Variants in NUMA1 observed in about 807,000 individuals in gnomAD.
The protein encoded by NUMA1 is SP-H antigen.
A neutral mutation model predicts 237.1 loss-of-function variants in NUMA1; 62 were observed. The observed-to-expected ratio is 0.26, with a 90% CI of 0.21 to 0.32. The LOEUF is 0.32. NUMA1 is among the 10% of genes least tolerant of loss of function. The probability of loss-of-function intolerance (pLI) is 1.00; values close to 1 mark genes in which losing one functional copy is unlikely to be tolerated. For missense variants in NUMA1, 2,533 were observed against 2,666.5 expected (o/e 0.95, Z 1.10); for synonymous variants, 1,028 against 1,066.1 (o/e 0.96, Z 0.70).
chr11:72,049,615 TGCC>T (rs1942226935), intron 2 of NUMA1: 1 of 113,980 alleles, frequency 8.8e-6, no homozygotes, highest in Non-Finnish European at 1.9e-5. Context: ...TATATATATT[TGCC>T]TATTCATCTA....
chr11:72,012,023 G>A (rs190168218), intron 16 of NUMA1, among the ~76,000 whole-genome samples: 95 of 152,302 alleles, frequency 6.2e-4, no homozygotes, highest in African/African-American at 2.2e-3. Flanking sequence ...AGGCCGACAC[G>A]GTAATTCTGC....
At chr11:72,007,136 C>T (rs1426029909) in intron 21 of NUMA1, 53 bp downstream of exon 21, 2 of 1,593,102 alleles carry the variant, frequency 1.3e-6, no homozygotes, top group Non-Finnish European at 8.5e-7. Context: ...CAAAGATGCC[C>T]TTGAGAGGAA....
rs1956428584 is a variant in NUMA1, at chr11:72,015,040, C to T, written c.2463G>A (p.Gln821=). The T allele has an allele frequency of 6.2e-7, 1 of 1,614,140 alleles. No individual in the cohort carries two copies. The highest frequency in any genetic ancestry group is 1.3e-5 in the African/African-American group (1 of 75,064). ...TGGCGCCATACTGTGCCTCCTCTTGCTGGCTATCCTCATACCGCTCACGCC... is the reference window on the plus strand; with the variant it reads ...TGGCGCCATACTGTGCCTCCTCTTGTTGGCTATCCTCATACCGCTCACGCC... The part of the protein sequence containing the change: ...AAWRERYEDS[Q]QEEAQYGAMF... The change falls in exon 15 of 27, where the codon CAG becomes CAA. Residue 821 remains glutamine (Q), a synonymous_variant. Transcript: ENST00000393695. This position sits in a 1 kb window ranked among gnomAD's most constrained non-coding sequence, Gnocchi z 4.0.
intron 2 of NUMA1, chr11:72,040,677 C>T (rs1340117234): frequency 2.0e-5 from 3 of 152,224 alleles, no homozygotes; most frequent in Non-Finnish European, 4.4e-5. Context: ...GGCAAACACG[C>T]TTTCCTTCTC....
In NUMA1 at chr11:72,019,511, G is replaced by A. The variant is rs1265223560; in HGVS notation, c.567C>T (p.Ser189=). The A allele has an allele frequency of 6.2e-6, 10 of 1,613,490 alleles. No homozygotes were observed. The highest frequency in any genetic ancestry group is 8.5e-6 in the Non-Finnish European group (10 of 1,179,672). The change falls in exon 9 of 27, where the codon TCC becomes TCT. Residue 189 remains serine (S), a synonymous_variant. Transcript: ENST00000393695. ...IRFLELQKVA[S]SSSGNNFLSG... ...GAACATACTTGTTCCCACTGGAAGA[G>A]GAGGCAACCTTCTGTAGCTCTAGGA...
At chr11:72,076,926 GAC>G (rs1724483017) in intron 1 of NUMA1, among the ~76,000 whole-genome samples, 1 of 151,910 alleles carries the variant, frequency 6.6e-6, no homozygotes, top group African/African-American at 2.4e-5. Context: ...GAAAACATGA[GAC>G]AAAAACAAGA....
chr11:72,068,906 A>G (rs1943323389), intron 2 of NUMA1, among the ~76,000 whole-genome samples: 1 of 152,172 alleles, frequency 6.6e-6, no homozygotes. Context: ...TCCTTCACCA[A>G]AAAAGGTATT....
chr11:72,011,870 G>A (rs1305024088), intron 16 of NUMA1, among the ~76,000 whole-genome samples: 1 of 152,000 alleles, frequency 6.6e-6, no homozygotes, highest in East Asian at 1.9e-4. Flanking sequence ...TCTCTATGCT[G>A]TGCTCGGGGT....
chr11:72,034,412 A>T (rs1033667938), intron 3 of NUMA1, among the ~76,000 whole-genome samples: 3 of 151,664 alleles, frequency 2.0e-5, no homozygotes, highest in Admixed American at 2.0e-4. Flanking sequence ...CATCCCCATT[A>T]AAAAAAATGA....
chr11:72,034,484 G>A (rs755446445), intron 3 of NUMA1, among the ~76,000 whole-genome samples: 19 of 151,938 alleles, frequency 1.3e-4, no homozygotes, highest in East Asian at 7.7e-4. Flanking sequence ...CAAGGAGGGC[G>A]GACCACGAGG....
Position 72,015,043 on chromosome 11 carries a change from G to C in NUMA1, c.2460C>G (p.Ser820Arg). 6.2e-7 allele frequency: 1 copy of C among 1,614,020 alleles called. No homozygotes were observed. The highest frequency in any genetic ancestry group is 1.1e-5 in the South Asian group (1 of 91,080). ...CGCCATACTGTGCCTCCTCTTGCTG[G>C]CTATCCTCATACCGCTCACGCCAGG... ...VAAWRERYED[S>R]QQEEAQYGAM... Residue 820 changes from serine to arginine, a missense_variant, in exon 15 of 27, where the codon AGC becomes AGG. Transcript: ENST00000393695. This position sits in a 1 kb window ranked among gnomAD's most constrained non-coding sequence, Gnocchi z 4.0.
chr11:72,012,779 A>T (rs533150888), intron 15 of NUMA1, 116 bp downstream of exon 15: 1 of 1,412,550 alleles, frequency 7.1e-7, no homozygotes, highest in East Asian at 2.3e-5. Flanking sequence ...CACCCAGTGA[A>T]TGAGGAAAGG....
At chr11:72,056,785 C>G (rs1285724963) in intron 2 of NUMA1, among the ~76,000 whole-genome samples, 1 of 151,722 alleles carries the variant, frequency 6.6e-6, no homozygotes, top group Admixed American at 6.6e-5. Flanking sequence ...GTACAAAATT[C>G]TTGCACACTC....
At chr11:72,041,204 G>A (rs934187711) in intron 2 of NUMA1, 29 of 152,028 alleles carry the variant, frequency 1.9e-4, no homozygotes, top group African/African-American at 7.0e-4. Flanking sequence ...GCGACAGCAA[G>A]CAGGGGACTC....
chr11:72,007,987 G>T (rs1448626316), intron 20 of NUMA1: 2 of 402,122 alleles, frequency 5.0e-6, no homozygotes, highest in Non-Finnish European at 9.8e-6. Context: ...ACTCAGGCCA[G>T]GCTGCCCAGG....
intron 1 of NUMA1, among the ~76,000 whole-genome samples, chr11:72,073,048 C>CAAAAAAAAAAAAAAAAAAA (rs71052849): frequency 2.6e-5 from 1 of 38,976 alleles, no homozygotes; most frequent in African/African-American, 1.1e-4. Flanking sequence ...GACTCCGTCT[C>CAAAAAAAAAAAAAAAAAAA]AAAAAAAAAA....
Position 72,015,160 on chromosome 11 carries a change from C to A in NUMA1, c.2343G>T (p.Glu781Asp), listed in dbSNP as rs1175992858. Reference sequence around the variant, plus strand: ...CCAGCTCCCGCCGCAGGACTTCAGTCTCAGCCTGATGGGCCTCCCCAAGCT... The same window carrying A: ...CCAGCTCCCGCCGCAGGACTTCAGTATCAGCCTGATGGGCCTCCCCAAGCT... The part of the protein sequence containing the change: ...LQQLGEAHQA[E>D]TEVLRRELAE... The change falls in exon 15 of 27, where the codon GAG becomes GAT. Residue 781 changes from glutamate (E) to aspartate (D), a missense_variant. Physicochemically the swap from Glu to Asp is conservative, Grantham distance 45. Transcript: ENST00000393695. This position sits in a 1 kb window ranked among gnomAD's most constrained non-coding sequence, Gnocchi z 4.0. 1.9e-6 allele frequency: 3 copies of A among 1,613,452 alleles called. No homozygotes were observed. In the African/African-American group the frequency reaches 4.0e-5, roughly 22 times the overall value.
intron 2 of NUMA1, among the ~76,000 whole-genome samples, chr11:72,054,507 C>T (rs1253142641): frequency 1.3e-5 from 2 of 151,954 alleles, no homozygotes; most frequent in African/African-American, 2.4e-5. Flanking sequence ...TAACAATTTC[C>T]ATTCATTTGA....
intron 21 of NUMA1, 144 bp downstream of exon 21, chr11:72,007,045 C>A (rs986057431): frequency 3.1e-6 from 3 of 954,000 alleles, no homozygotes; most frequent in Non-Finnish European, 4.6e-6. Flanking sequence ...AAGTCACTGC[C>A]CTTTTTAAGA....
Sources: allele counts gnomAD v4.1 joint callset (sites outside exome capture counted in the v4.1 genomes callset), GRCh38; gene constraint gnomAD v4.1.1; non-coding constraint Gnocchi (gnomAD v3.1); transcripts MANE v1.5; gene names NCBI Gene and HGNC (gene_info 2026-07-23, HGNC 2026-07-21).